CENPW: variants seen among roughly 807,000 people sequenced by gnomAD.
CENPW encodes centromere protein W.
CENPW carries 3 observed loss-of-function variants against 11.1 expected under a neutral mutation model. The ratio of observed to expected loss-of-function variants is 0.27; its 90% confidence interval spans 0.12 to 0.70. The LOEUF (loss-of-function observed/expected upper bound fraction) is 0.70. CENPW is among the 30% of genes least tolerant of loss of function. The pLI is 0.77. For synonymous variants in CENPW, 38 were observed against 42.0 expected (o/e 0.91, Z 0.37); for missense variants, 100 against 105.6 (o/e 0.95, Z 0.23).
the CENPW span, among the ~76,000 whole-genome samples, chr6:126,455,391 C>T: frequency 1.3e-5 from 2 of 150,556 alleles, no homozygotes; most frequent in African/African-American, 2.4e-5. Flanking sequence ...CGTCACTTTA[C>T]TCTTGTGATG....
the CENPW span, among the ~76,000 whole-genome samples, chr6:126,472,080 A>T: frequency 6.6e-6 from 1 of 152,218 alleles, no homozygotes; most frequent in African/African-American, 2.4e-5. Context: ...CCTATCATAA[A>T]GCTTCAATAA....
the CENPW span, among the ~76,000 whole-genome samples, chr6:126,439,416 G>T: frequency 6.6e-6 from 1 of 151,584 alleles, no homozygotes; most frequent in Non-Finnish European, 1.5e-5. Flanking sequence ...TCTGACATTG[G>T]ACTGATAACC....
At chr6:126,394,636 C>T in the CENPW span, among the ~76,000 whole-genome samples, 1 of 151,904 alleles carries the variant, frequency 6.6e-6, no homozygotes, top group African/African-American at 2.4e-5. Flanking sequence ...AGTTTTGTAC[C>T]TTCACATAAT....
At chr6:126,368,062 T>C in the CENPW span, among the ~76,000 whole-genome samples, 4 of 152,322 alleles carry the variant, frequency 2.6e-5, no homozygotes, top group East Asian at 7.7e-4. Flanking sequence ...CTGTGGTGGC[T>C]TAACTATTTC....
the CENPW span, among the ~76,000 whole-genome samples, chr6:126,439,294 GT>G: frequency 6.6e-6 from 1 of 151,630 alleles, no homozygotes; most frequent in Non-Finnish European, 1.5e-5. Context: ...AGCCCATATG[GT>G]AAACACAAGC....
chr6:126,402,325 C>T, the CENPW span, among the ~76,000 whole-genome samples: 1 of 150,998 alleles, frequency 6.6e-6, no homozygotes, highest in East Asian at 1.9e-4. Flanking sequence ...TCCTCCCTTC[C>T]TTCCCCTCTC....
the CENPW span, among the ~76,000 whole-genome samples, chr6:126,447,501 A>G: frequency 6.6e-6 from 1 of 151,236 alleles, no homozygotes; most frequent in Non-Finnish European, 1.5e-5. Flanking sequence ...TAAGGAGCTT[A>G]CACTACTTTC....
the CENPW span, among the ~76,000 whole-genome samples, chr6:126,464,566 T>C: frequency 6.6e-6 from 1 of 152,116 alleles, no homozygotes; most frequent in African/African-American, 2.4e-5. Flanking sequence ...CCTTCATCTT[T>C]CTCCCATGCT....
At chr6:126,380,894 C>T in the CENPW span, among the ~76,000 whole-genome samples, 11 of 152,188 alleles carry the variant, frequency 7.2e-5, no homozygotes, top group Admixed American at 4.6e-4. Flanking sequence ...CTCTGTTGAT[C>T]GAACTTTAGC....
At chr6:126,431,084 T>A in the CENPW span, among the ~76,000 whole-genome samples, 2 of 152,126 alleles carry the variant, frequency 1.3e-5, no homozygotes, top group African/African-American at 2.4e-5. Flanking sequence ...GGTGAAATCA[T>A]TACTCTGAGG....
At chr6:126,393,944 G>C in the CENPW span, among the ~76,000 whole-genome samples, 1 of 151,670 alleles carries the variant, frequency 6.6e-6, no homozygotes, top group Non-Finnish European at 1.5e-5. Context: ...TATACATACA[G>C]CTACTCCTGC....
chr6:126,468,180 G>A, the CENPW span, among the ~76,000 whole-genome samples: 3 of 152,186 alleles, frequency 2.0e-5, no homozygotes, highest in Admixed American at 2.0e-4. Context: ...AGCACTTTGG[G>A]AGGCTGACGG....
chr6:126,373,989 A>C, the CENPW span, among the ~76,000 whole-genome samples: 1 of 152,134 alleles, frequency 6.6e-6, no homozygotes, highest in African/African-American at 2.4e-5. Context: ...AGTTCTAAGA[A>C]ATAGAGAATT....
chr6:126,483,027 T>A, the CENPW span, among the ~76,000 whole-genome samples: 1 of 152,030 alleles, frequency 6.6e-6, no homozygotes, highest in East Asian at 1.9e-4. Flanking sequence ...TTATGGTCCT[T>A]AAGGAAAAAG....
chr6:126,424,474 T>C, the CENPW span, among the ~76,000 whole-genome samples: 1 of 152,148 alleles, frequency 6.6e-6, no homozygotes, highest in Non-Finnish European at 1.5e-5. Context: ...GACTAGGACA[T>C]GCAGTATATG....
At chr6:126,387,399 T>G in the CENPW span, among the ~76,000 whole-genome samples, 6 of 151,966 alleles carry the variant, frequency 3.9e-5, no homozygotes, top group African/African-American at 1.2e-4. Flanking sequence ...ATATCCCAAT[T>G]TCACGGAGGA....
At chr6:126,349,883 C>G (rs943162496), downstream of CENPW, among the ~76,000 whole-genome samples, 6 of 151,950 alleles carry the variant, frequency 3.9e-5, no homozygotes, top group Admixed American at 3.9e-4. Context: ...CTGAATCTTG[C>G]TGTGTCACTT....
the CENPW span, among the ~76,000 whole-genome samples, chr6:126,389,219 A>G: frequency 1.3e-5 from 2 of 151,948 alleles, no homozygotes; most frequent in South Asian, 4.1e-4. Context: ...ATTTCTAACT[A>G]TCTCTACTGC....
the CENPW span, among the ~76,000 whole-genome samples, chr6:126,394,400 C>T: frequency 5.3e-5 from 8 of 152,056 alleles, no homozygotes; most frequent in Admixed American, 4.6e-4. Flanking sequence ...CATAAACAAA[C>T]AAACAACTAA....
Sources: allele counts gnomAD v4.1 joint callset (sites outside exome capture counted in the v4.1 genomes callset), GRCh38; gene constraint gnomAD v4.1.1; transcripts MANE v1.5; gene names NCBI Gene and HGNC (gene_info 2026-07-23, HGNC 2026-07-21).